Variants in NCOA2 observed in about 807,000 individuals in gnomAD.
NCOA2 encodes nuclear receptor coactivator 2.
A neutral mutation model predicts 145.1 loss-of-function variants in NCOA2; 21 were observed. The observed-to-expected ratio is 0.14, with a 90% CI of 0.10 to 0.21. The LOEUF (loss-of-function observed/expected upper bound fraction) is 0.21, where lower values mean the gene tolerates loss of function less well. NCOA2 is among the 10% of genes least tolerant of loss of function. The pLI is 1.00. For synonymous variants in NCOA2, 619 were observed against 637.5 expected (o/e 0.97, Z 0.44); for missense variants, 1,472 against 1,837.6 (o/e 0.80, Z 3.64).
chr8:70,235,361 A>T (rs988471561), intron 2 of NCOA2, among the ~76,000 whole-genome samples: 9 of 152,230 alleles, frequency 5.9e-5, no homozygotes, highest in African/African-American at 4.8e-5. Flanking sequence ...AATAATGGTG[A>T]TGGTTGCACA....
chr8:70,230,012 T>C (rs1442591153), intron 2 of NCOA2, among the ~76,000 whole-genome samples: 1 of 152,230 alleles, frequency 6.6e-6, no homozygotes, highest in Admixed American at 6.5e-5. Flanking sequence ...GGTATTTAGT[T>C]AGGCACTTAC....
intron 1 of NCOA2, among the ~76,000 whole-genome samples, chr8:70,327,790 AGATG>A (rs1463762239): frequency 6.6e-6 from 1 of 152,224 alleles, no homozygotes; most frequent in African/African-American, 2.4e-5. Context: ...GAATGTAGAT[AGATG>A]GAGAGACAGA....
At chr8:70,277,970 CAG>C (rs1825592738) in intron 2 of NCOA2, among the ~76,000 whole-genome samples, 1 of 152,130 alleles carries the variant, frequency 6.6e-6, no homozygotes, top group Admixed American at 6.6e-5. Flanking sequence ...TTAGTATATT[CAG>C]AGTTGTGCAA....
At chr8:70,267,641 T>C (rs1017685032) in intron 2 of NCOA2, among the ~76,000 whole-genome samples, 3 of 152,102 alleles carry the variant, frequency 2.0e-5, no homozygotes, top group Non-Finnish European at 2.9e-5. Context: ...ATCCATTTCC[T>C]TTCTGCTAGG....
chr8:70,258,913 C>T (rs1823879198), intron 2 of NCOA2, among the ~76,000 whole-genome samples: 1 of 152,160 alleles, frequency 6.6e-6, no homozygotes, highest in Non-Finnish European at 1.5e-5. Context: ...GAAATCAAAA[C>T]AGTGACCTGG....
chr8:70,120,914 TCTA>T (rs1807731615), intron 22 of NCOA2, among the ~76,000 whole-genome samples: 1 of 152,180 alleles, frequency 6.6e-6, no homozygotes, highest in African/African-American at 2.4e-5. Context: ...CTCCTAAAAA[TCTA>T]GCCTTATAAT....
chr8:70,188,374 G>A (rs1213716411), intron 4 of NCOA2, among the ~76,000 whole-genome samples: 1 of 152,106 alleles, frequency 6.6e-6, no homozygotes, highest in African/African-American at 2.4e-5. Context: ...GTTAGTACAC[G>A]ACCTCAATCT....
At chr8:70,114,585 A>C (rs1806875504) in intron 22 of NCOA2, among the ~76,000 whole-genome samples, 1 of 152,224 alleles carries the variant, frequency 6.6e-6, no homozygotes, top group Non-Finnish European at 1.5e-5. Flanking sequence ...GCTATCACAA[A>C]AATTGCCCGA....
chr8:70,258,365 A>G (rs1227464669), intron 2 of NCOA2, among the ~76,000 whole-genome samples: 1 of 152,196 alleles, frequency 6.6e-6, no homozygotes, highest in Non-Finnish European at 1.5e-5. Flanking sequence ...CACCTTAGCT[A>G]CTACCGTGCC....
intron 2 of NCOA2, among the ~76,000 whole-genome samples, chr8:70,260,131 C>T (rs1004383333): frequency 3.9e-5 from 6 of 152,130 alleles, no homozygotes; most frequent in Non-Finnish European, 7.4e-5. Flanking sequence ...AGCTTAGATG[C>T]TGTCAATGTA....
chr8:70,232,892 CGT>C (rs1563657806), intron 2 of NCOA2, among the ~76,000 whole-genome samples: 22 of 151,620 alleles, frequency 1.5e-4, no homozygotes, highest in Middle Eastern at 3.4e-3. Flanking sequence ...CACACACACA[CGT>C]GCGTAGATAT....
chr8:70,132,113 A>C lies in NCOA2; in HGVS notation c.3159-111T>G, dbSNP rs1001534910. The C allele has an allele frequency of 5.5e-6, 6 of 1,081,720 alleles. No individual in the cohort carries two copies. In the East Asian group the frequency reaches 1.3e-4, roughly 23 times the overall value. 67.0% of individuals were successfully genotyped at this position (1,081,720 alleles called of 1,614,324 possible). A position where few individuals can be genotyped will look rare whatever the true frequency, so the allele number is the denominator to read the frequency against. On this transcript the variant is annotated intron_variant, in intron 15 of 22. Coordinates refer to ENST00000452400, the MANE Select transcript of NCOA2 (RefSeq NM_006540.4). The stretch of plus-strand genomic sequence containing the variant: ...AATTGACTTCCAGGGTTGTTGCAAC[A>C]AACTACTGTACCAACTCAACACAGA...
intron 2 of NCOA2, among the ~76,000 whole-genome samples, chr8:70,290,725 T>A (rs1163742670): frequency 6.6e-6 from 1 of 152,180 alleles, no homozygotes. Context: ...ATTGCATGGC[T>A]ATGGATAATT....
chr8:70,249,989 G>T (rs531853609), intron 2 of NCOA2, among the ~76,000 whole-genome samples: 80 of 140,232 alleles, frequency 5.7e-4, no homozygotes, highest in African/African-American at 2.1e-3. Flanking sequence ...AGAAGAAGAA[G>T]AAGAAGAAGA....
intron 1 of NCOA2, among the ~76,000 whole-genome samples, chr8:70,316,762 G>A (rs975171572): frequency 1.3e-5 from 2 of 152,162 alleles, no homozygotes; most frequent in Non-Finnish European, 2.9e-5. Context: ...AGTAACCGAA[G>A]TAACCTGATG....
At chr8:70,145,410 T>C (rs1334529061) in intron 12 of NCOA2, among the ~76,000 whole-genome samples, 4 of 152,144 alleles carry the variant, frequency 2.6e-5, no homozygotes, top group African/African-American at 9.6e-5. Flanking sequence ...CTGCAACCTC[T>C]GCCTCTAGGG....
At chr8:70,129,364 C>G (rs963456634) in intron 16 of NCOA2, among the ~76,000 whole-genome samples, 7 of 152,308 alleles carry the variant, frequency 4.6e-5, no homozygotes, top group African/African-American at 1.7e-4. Flanking sequence ...CTGTAGAGTT[C>G]ATTTTAATTA....
At chr8:70,387,648 C>T (rs1812788404) in intron 1 of NCOA2, among the ~76,000 whole-genome samples, 2 of 130,210 alleles carry the variant, frequency 1.5e-5, no homozygotes, top group South Asian at 4.7e-4. Context: ...TGCTGAATTC[C>T]TCTGAAGTAC....
Position 70,344,938 on chromosome 8 carries a change from C to T in NCOA2, c.-76-48138G>A, listed in dbSNP as rs781396853. On this transcript the variant is annotated intron_variant, in intron 1 of 22. Transcript: ENST00000452400. ...TTAACATACTCTCTTCAAGTGTTGACGCCCAAACTGCAGTTCTGTAGTAAA... is the reference window on the plus strand; with the variant it reads ...TTAACATACTCTCTTCAAGTGTTGATGCCCAAACTGCAGTTCTGTAGTAAA... 4.1e-4 allele frequency among the ~76,000 whole-genome samples: 63 copies of T among 152,294 alleles called. 1 individual carries two copies. Among genetic ancestry groups the T allele is most frequent in the African/African-American group, 2.2e-4 (9 of 41,566 alleles).
Sources: allele counts gnomAD v4.1 joint callset (sites outside exome capture counted in the v4.1 genomes callset), GRCh38; gene constraint gnomAD v4.1.1; transcripts MANE v1.5; gene names NCBI Gene and HGNC (gene_info 2026-07-23, HGNC 2026-07-21).